The following SLC5A1 variants were observed in gnomAD, a reference collection of about 807,000 sequenced individuals.
SLC5A1 encodes the protein sodium/glucose cotransporter 1.
SLC5A1 carries 42 observed loss-of-function variants against 73.5 expected under a neutral mutation model. The ratio of observed to expected loss-of-function variants is 0.57; its 90% CI spans 0.45 to 0.74. SLC5A1 has a LOEUF of 0.74. Among genes scored for constraint, SLC5A1 ranks in the 30% least tolerant of loss-of-function variants. SLC5A1 has a pLI of 0.00. For missense variants in SLC5A1, 634 were observed against 855.4 expected (o/e 0.74, Z 3.23); for synonymous variants, 300 against 317.4 (o/e 0.95, Z 0.58).
intron 9 of SLC5A1, among the ~76,000 whole-genome samples, chr22:32,085,262 C>T (rs556789146): frequency 6.6e-6 from 1 of 152,116 alleles, no homozygotes; most frequent in Non-Finnish European, 1.5e-5. Flanking sequence ...GCTGGGACTA[C>T]AGGTATGTAC....
intron 2 of SLC5A1, among the ~76,000 whole-genome samples, chr22:32,057,372 T>C (rs2149484916): frequency 6.6e-6 from 1 of 152,258 alleles, no homozygotes. Context: ...GCTCAAAGGA[T>C]CCTCCTTCCT....
At chr22:32,099,474 G>C in intron 12 of SLC5A1, 123 bp downstream of exon 12, 2 of 1,014,474 alleles carry the variant, frequency 2.0e-6, no homozygotes, top group South Asian at 2.6e-5. Context: ...CGGATGTGCT[G>C]CTGAGGGTTT....
chr22:32,060,003 G>T (rs74399071), intron 2 of SLC5A1, among the ~76,000 whole-genome samples: 6,232 of 146,184 alleles, frequency 0.043, 198 homozygotes, highest in Non-Finnish European at 0.067. Context: ...GCAGCACAGG[G>T]GCCATGGTTA....
chr22:32,087,379 T>TA (rs1349939406), intron 10 of SLC5A1, among the ~76,000 whole-genome samples: 1 of 152,168 alleles, frequency 6.6e-6, no homozygotes, highest in Non-Finnish European at 1.5e-5. Flanking sequence ...ACTTGCCAAT[T>TA]AAAAAATATT....
chr22:32,099,681 C>T (rs1488997837), intron 12 of SLC5A1, among the ~76,000 whole-genome samples: 1 of 152,056 alleles, frequency 6.6e-6, no homozygotes, highest in Non-Finnish European at 1.5e-5. Context: ...CCCACCTCAG[C>T]CTCCCAAAGT....
At chr22:32,086,852 C>T (rs1320700247) in intron 10 of SLC5A1, among the ~76,000 whole-genome samples, 2 of 151,972 alleles carry the variant, frequency 1.3e-5, no homozygotes, top group African/African-American at 4.8e-5. Context: ...ATATAAATGC[C>T]TATCAATGAA....
chr22:32,048,208 C>T (rs909864773), intron 1 of SLC5A1, among the ~76,000 whole-genome samples: 1 of 149,718 alleles, frequency 6.7e-6, no homozygotes, highest in African/African-American at 2.5e-5. Flanking sequence ...CTATCAGCTA[C>T]TAACATTATT....
At chr22:32,104,385 A>T (rs1407184649) in intron 13 of SLC5A1, among the ~76,000 whole-genome samples, 1 of 152,204 alleles carries the variant, frequency 6.6e-6, no homozygotes, top group Non-Finnish European at 1.5e-5. Context: ...CTAGCTTCTT[A>T]TCCACATAAT....
chr22:32,080,711 C>A (rs908265228), intron 5 of SLC5A1, among the ~76,000 whole-genome samples: 1 of 152,176 alleles, frequency 6.6e-6, no homozygotes, highest in African/African-American at 2.4e-5. Context: ...AAACAAAAGA[C>A]TCAGCTGGGC....
chr22:32,049,697 C>CT lies in SLC5A1; in HGVS notation c.136-245dup, dbSNP rs1260319363. Among the ~76,000 whole-genome samples, 5 of 152,000 alleles carry CT rather than the reference C, an allele frequency of 3.3e-5. No individual in the cohort carries two copies. The East Asian group carries it at 9.7e-4, about 30-fold the overall frequency. On this transcript the variant is annotated intron_variant, in intron 1 of 14. Coordinates refer to ENST00000266088, the MANE Select transcript of SLC5A1 (RefSeq NM_000343.4). Reference sequence around the variant, plus strand: ...GACTTGCTGGAAGTGATACTGGAAGCTAATTTCGCACTAGCCCTACAGTAA... The same window carrying CT: ...GACTTGCTGGAAGTGATACTGGAAGCTTAATTTCGCACTAGCCCTACAGTAA...
intron 7 of SLC5A1, 56 bp from the exon 8 acceptor site, chr22:32,084,383 C>A: frequency 6.8e-7 from 1 of 1,479,840 alleles, no homozygotes; most frequent in Non-Finnish European, 9.4e-7. Flanking sequence ...TGGAAAGAAG[C>A]TGCTATGACG....
intron 2 of SLC5A1, among the ~76,000 whole-genome samples, chr22:32,066,591 C>G (rs1259875588): frequency 6.6e-6 from 1 of 152,204 alleles, no homozygotes; most frequent in African/African-American, 2.4e-5. Flanking sequence ...CCTAGGCACA[C>G]AGCCTTGAAG....
At chr22:32,072,754 T>G (rs2093984678) in intron 5 of SLC5A1, among the ~76,000 whole-genome samples, 1 of 152,252 alleles carries the variant, frequency 6.6e-6, no homozygotes, top group African/African-American at 2.4e-5. Context: ...CTAGATCACA[T>G]CACATTTGGT....
intron 2 of SLC5A1, among the ~76,000 whole-genome samples, chr22:32,060,348 C>T (rs1045368218): frequency 2.0e-4 from 30 of 152,138 alleles, no homozygotes; most frequent in African/African-American, 6.0e-4. Flanking sequence ...CCTACCACTA[C>T]GTCTGGCTAA....
rs1254762411 is a variant in SLC5A1 at position 32,102,016 on chromosome 22, TC to T, written c.1450-5del. The T allele has an allele frequency of 2.5e-5, 41 of 1,611,874 alleles. No individual in the cohort carries two copies. The highest frequency in any genetic ancestry group is 3.4e-5 in the Non-Finnish European group (40 of 1,178,054). On this transcript the variant is annotated splice_polypyrimidine_tract_variant and splice_region_variant and intron_variant, in intron 12 of 14. Coordinates refer to ENST00000266088, the MANE Select transcript of SLC5A1 (RefSeq NM_000343.4). ...GCATGAGTTAACCCAGGGTTTTCTT[TC>T]ACAGGGAGCCTTTTGGGGACTGATC... is the stretch of plus-strand genomic sequence containing the variant.
rs201447467 is a variant in SLC5A1 at position 32,110,389 on chromosome 22, T to C, written c.*176T>C. On this transcript the variant is annotated 3_prime_UTR_variant, in exon 15 of 15. Coordinates refer to ENST00000266088, the MANE Select transcript of SLC5A1 (RefSeq NM_000343.4). ...AAACCATTAGTTTGCTGTTAATTTA[T>C]GCATTTGAAGCCAGTGTGATACAGC... The C allele has an allele frequency of 6.0e-6, 4 of 664,350 alleles. No individual in the cohort carries two copies. Among genetic ancestry groups the C allele is most frequent in the African/African-American group, 1.8e-5 (1 of 56,490 alleles). 41.2% of individuals were successfully genotyped at this position (664,350 alleles called of 1,614,324 possible).
chr22:32,090,704 G>C (rs2094015826), intron 10 of SLC5A1, among the ~76,000 whole-genome samples: 1 of 121,440 alleles, frequency 8.2e-6, no homozygotes, highest in Non-Finnish European at 1.8e-5. Context: ...ACCTAGGAAT[G>C]GAATTTCATT....
At chr22:32,086,435 G>A (rs547168379) in intron 10 of SLC5A1, 108 bp downstream of exon 10, 8 of 795,786 alleles carry the variant, frequency 1.0e-5, no homozygotes, top group Admixed American at 7.8e-5. Context: ...TTTCTTAGCC[G>A]GGGGGTTAGA....
chr22:32,086,249 T>C lies in SLC5A1; in HGVS notation c.1051T>C (p.Cys351Arg). 1 of 1,613,844 alleles carries C rather than the reference T, an allele frequency of 6.2e-7. No homozygotes were observed. Among genetic ancestry groups the C allele is most frequent in the Non-Finnish European group, 8.5e-7 (1 of 1,179,812 alleles). ...EKIACVVPSE[C>R]EKYCGTKVGC... ...AATTGCCTGTGTCGTCCCTTCAGAA[T>C]GTGAGAAATATTGCGGTACCAAGGT... is the stretch of plus-strand genomic sequence containing the variant. Residue 351 changes from cysteine (C) to arginine (R), a missense_variant, in exon 10 of 15, where the codon TGT becomes CGT. Cys to Arg is a radical substitution (Grantham distance 180). Around this residue, in one of 3 missense-constraint regions of SLC5A1, gnomAD observed 422 missense variants for 626.1 expected, o/e 0.67. Coordinates refer to ENST00000266088, the MANE Select transcript of SLC5A1 (RefSeq NM_000343.4).
Sources: allele counts gnomAD v4.1 joint callset (sites outside exome capture counted in the v4.1 genomes callset), GRCh38; gene constraint gnomAD v4.1.1; regional missense constraint gnomAD v4.1.1; transcripts MANE v1.5; gene names NCBI Gene and HGNC (gene_info 2026-07-23, HGNC 2026-07-21).